KLHL4: variants seen among roughly 807,000 people sequenced by gnomAD.
KLHL4 encodes the protein kelch like family member 4, also known as kelch-like protein 4.
Under a neutral mutation model 45.8 loss-of-function variants are expected in KLHL4, and 17 were observed. That is an observed-to-expected ratio of 0.37 (90% CI 0.25 to 0.56). KLHL4 has a LOEUF of 0.56. Among genes scored for constraint, KLHL4 ranks in the 20% least tolerant of loss-of-function variants. The pLI, the probability that KLHL4 is intolerant of heterozygous loss-of-function variation, is 0.79. For synonymous variants in KLHL4, 224 were observed against 189.9 expected (o/e 1.18, Z -1.47); for missense variants, 544 against 544.9 (o/e 1.00, Z 0.02).
intron 9 of KLHL4, 116 bp from the exon 10 acceptor site, chrX:87,664,648 T>A: frequency 2.1e-6 from 1 of 486,178 alleles, no homozygotes; most frequent in Non-Finnish European, 3.4e-6. Context: ...ATTTGATATT[T>A]GTATAGTGTT....
At chrX:87,621,761 C>T (rs1193690274) in intron 4 of KLHL4, among the ~76,000 whole-genome samples, 1 of 111,652 alleles carries the variant, frequency 9.0e-6, no homozygotes, top group African/African-American at 3.3e-5. Context: ...CAGTTTGTTT[C>T]TGCCTCACAT....
rs1377402391 is a variant in KLHL4 at position 87,668,780 on chromosome X, G to C, written c.*2246G>C. 1 of 169,751 alleles carries C rather than the reference G, an allele frequency of 5.9e-6. No individual in the cohort carries two copies. The highest frequency in any genetic ancestry group is 2.6e-4 in the East Asian group (1 of 3,782). 14.0% of individuals were successfully genotyped at this position (169,751 alleles called of 1,213,427 possible). A position where few individuals can be genotyped will look rare whatever the true frequency, so the allele number is the denominator to read the frequency against. ...TCATGTGATGCTATGTGTTACCTTG[G>C]GACTTACCTGACAGCTCTTACCAAC... On this transcript the variant is annotated 3_prime_UTR_variant, in exon 11 of 11. Coordinates refer to ENST00000373119, the MANE Select transcript of KLHL4 (RefSeq NM_019117.5).
chrX:87,518,729 G>A (rs1433157207), intron 1 of KLHL4, among the ~76,000 whole-genome samples: 1 of 111,830 alleles, frequency 8.9e-6, no homozygotes, highest in East Asian at 2.8e-4. Context: ...AGCTGTGACT[G>A]ATCAGCACAT....
intron 1 of KLHL4, among the ~76,000 whole-genome samples, chrX:87,527,991 C>A (rs1931147006): frequency 9.0e-6 from 1 of 110,804 alleles, no homozygotes; most frequent in African/African-American, 3.3e-5. Flanking sequence ...GGAGCCTACA[C>A]CTGATGGTAA....
chrX:87,594,965 G>C (rs1192599682), intron 1 of KLHL4, among the ~76,000 whole-genome samples: 1 of 109,417 alleles, frequency 9.1e-6, no homozygotes, highest in Non-Finnish European at 1.9e-5. Flanking sequence ...GTCAAGCTTT[G>C]TTCCAGGGGG....
At chrX:87,641,677 A>T (rs1478927236) in intron 9 of KLHL4, among the ~76,000 whole-genome samples, 1 of 111,058 alleles carries the variant, frequency 9.0e-6, no homozygotes, top group Non-Finnish European at 1.9e-5. Context: ...TCTACCTGGA[A>T]ACAGACTTGG....
intron 1 of KLHL4, among the ~76,000 whole-genome samples, chrX:87,568,696 C>T (rs899560095): frequency 1.3e-4 from 15 of 111,169 alleles, no homozygotes; most frequent in African/African-American, 4.2e-4. Context: ...AAACCCCATA[C>T]ATCTATGGTC....
intron 1 of KLHL4, among the ~76,000 whole-genome samples, chrX:87,545,456 C>T (rs1474190327): frequency 1.8e-5 from 2 of 111,357 alleles, no homozygotes; most frequent in African/African-American, 3.3e-5. Context: ...CATGCCCTCT[C>T]GCCTGCTGCC....
At chrX:87,633,458 T>C (rs1923163909) in intron 7 of KLHL4, among the ~76,000 whole-genome samples, 1 of 111,630 alleles carries the variant, frequency 9.0e-6, no homozygotes. Flanking sequence ...AAAAGCCAGC[T>C]TTTTAAATTA....
At chrX:87,588,280 GA>G (rs1298205795) in intron 1 of KLHL4, among the ~76,000 whole-genome samples, 3 of 111,705 alleles carry the variant, frequency 2.7e-5, no homozygotes, top group Non-Finnish European at 5.7e-5. Context: ...ATTATTCACA[GA>G]AATAGAAAAA....
At chrX:87,608,916 C>A (rs193047827) in intron 1 of KLHL4, among the ~76,000 whole-genome samples, 1 of 110,190 alleles carries the variant, frequency 9.1e-6, no homozygotes, top group African/African-American at 3.3e-5. Context: ...TCCCTGCTCC[C>A]CCCACCCCAC....
intron 1 of KLHL4, among the ~76,000 whole-genome samples, chrX:87,546,787 G>A (rs886567843): frequency 2.7e-5 from 3 of 112,785 alleles, no homozygotes; most frequent in African/African-American, 9.6e-5. Context: ...GCATCAATGT[G>A]CCCTGGATGT....
chrX:87,604,444 C>CT (rs1365655188), intron 1 of KLHL4, among the ~76,000 whole-genome samples: 59 of 109,160 alleles, frequency 5.4e-4, no homozygotes, highest in Non-Finnish European at 8.8e-4. Flanking sequence ...TTTTTTTCTT[C>CT]TTTTTTTTGT....
chrX:87,658,626 G>A (rs1258022606), intron 9 of KLHL4, among the ~76,000 whole-genome samples: 1 of 111,193 alleles, frequency 9.0e-6, no homozygotes, highest in Admixed American at 9.6e-5. Flanking sequence ...ATTTTCCACC[G>A]AACCCACAGC....
intron 1 of KLHL4, among the ~76,000 whole-genome samples, chrX:87,587,368 A>G (rs1921514901): frequency 9.0e-6 from 1 of 110,849 alleles, no homozygotes; most frequent in Non-Finnish European, 1.9e-5. Context: ...GCCAATATAG[A>G]TGGAAAATAT....
intron 9 of KLHL4, among the ~76,000 whole-genome samples, chrX:87,646,915 GCTT>G (rs1182992072): frequency 9.0e-6 from 1 of 111,375 alleles, no homozygotes; most frequent in Non-Finnish European, 1.9e-5. Flanking sequence ...TAACTAAAAA[GCTT>G]CTGCACAGCA....
At chrX:87,620,073 C>T (rs1423469059) in intron 4 of KLHL4, among the ~76,000 whole-genome samples, 1 of 111,133 alleles carries the variant, frequency 9.0e-6, no homozygotes, top group African/African-American at 3.3e-5. Context: ...CTGGGTACCC[C>T]GTTCGTTACC....
intron 1 of KLHL4, among the ~76,000 whole-genome samples, chrX:87,568,155 A>G (rs1259741040): frequency 9.1e-6 from 1 of 110,025 alleles, no homozygotes; most frequent in African/African-American, 3.3e-5. Flanking sequence ...AGAAAGTATA[A>G]TAGTGATTAT....
chrX:87,550,411 G>A (rs919563259), intron 1 of KLHL4, among the ~76,000 whole-genome samples: 2 of 111,192 alleles, frequency 1.8e-5, no homozygotes, highest in South Asian at 3.7e-4. Context: ...ATTCACAGCA[G>A]AATTTTACCA....
Sources: gnomAD v4.1 joint callset for allele counts (sites outside exome capture counted in the v4.1 genomes callset) on GRCh38, gnomAD v4.1.1 for gene constraint, MANE v1.5 for transcripts, NCBI Gene and HGNC (gene_info 2026-07-23, HGNC 2026-07-21) for gene names.